Variants in CADM2 observed in about 807,000 individuals in gnomAD.
CADM2 encodes cell adhesion molecule 2.
A neutral mutation model predicts 49.8 loss-of-function variants in CADM2; 12 were observed. The observed-to-expected ratio is 0.24, with a 90% CI of 0.15 to 0.39. The LOEUF is 0.39. Among genes scored for constraint, CADM2 ranks in the 10% least tolerant of loss-of-function variants. The pLI, the probability that CADM2 is intolerant of heterozygous loss-of-function variation, is 1.00. For synonymous variants in CADM2, 214 were observed against 175.4 expected, an observed-to-expected ratio of 1.22 and a Z score of -1.74; for missense variants, 378 against 492.3, an observed-to-expected ratio of 0.77 and a Z score of 2.20.
chr3:85,045,590 G>GGCAGTATAT (rs2035624420), intron 1 of CADM2, among the ~76,000 whole-genome samples: 2 of 152,124 alleles, frequency 1.3e-5, no homozygotes, highest in South Asian at 4.1e-4. Flanking sequence ...CAGTGAATAA[G>GGCAGTATAT]GCAGTATATG....
intron 1 of CADM2, among the ~76,000 whole-genome samples, chr3:85,236,901 G>T (rs1453465324): frequency 6.6e-6 from 1 of 152,054 alleles, no homozygotes; most frequent in Non-Finnish European, 1.5e-5. Flanking sequence ...CTTCTGCTAT[G>T]ACTCAGTGAT....
intron 8 of CADM2, among the ~76,000 whole-genome samples, chr3:85,998,199 T>C (rs1448173116): frequency 6.6e-6 from 1 of 152,146 alleles, no homozygotes; most frequent in Non-Finnish European, 1.5e-5. Context: ...ATTTTGGATA[T>C]AGCATATGTA....
chr3:85,715,386 A>G (rs1198806595), intron 1 of CADM2, among the ~76,000 whole-genome samples: 1 of 152,230 alleles, frequency 6.6e-6, no homozygotes, highest in Non-Finnish European at 1.5e-5. Flanking sequence ...TTTAAAATAG[A>G]TTAGTGAGTA....
intron 1 of CADM2, among the ~76,000 whole-genome samples, chr3:85,434,049 ATTAAG>A (rs1166454170): frequency 1.8e-4 from 27 of 152,124 alleles, no homozygotes; most frequent in African/African-American, 5.5e-4. Flanking sequence ...GTATGAGTCG[ATTAAG>A]TTTAGATTTT....
chr3:85,741,596 A>T (rs1347156373), intron 2 of CADM2, among the ~76,000 whole-genome samples: 1 of 152,154 alleles, frequency 6.6e-6, no homozygotes, highest in Non-Finnish European at 1.5e-5. Flanking sequence ...TGAACCCGGG[A>T]GGCAGAGGTT....
intron 3 of CADM2, among the ~76,000 whole-genome samples, chr3:85,845,302 A>T (rs1279684359): frequency 6.6e-6 from 1 of 152,128 alleles, no homozygotes; most frequent in Non-Finnish European, 1.5e-5. Context: ...CAAGATAGAT[A>T]GCAGGACAGG....
intron 2 of CADM2, among the ~76,000 whole-genome samples, chr3:85,745,941 C>T (rs1489976756): frequency 1.3e-5 from 2 of 151,874 alleles, no homozygotes; most frequent in Non-Finnish European, 2.9e-5. Context: ...TGAAAGCCTA[C>T]CCCCAACTTT....
intron 1 of CADM2, among the ~76,000 whole-genome samples, chr3:85,006,074 C>G (rs1350873899): frequency 2.0e-5 from 3 of 152,098 alleles, no homozygotes; most frequent in Non-Finnish European, 4.4e-5. Flanking sequence ...TAAGGCTTTA[C>G]TGTACACAGA....
intron 1 of CADM2, among the ~76,000 whole-genome samples, chr3:85,360,770 G>A (rs937765261): frequency 6.6e-5 from 10 of 152,244 alleles, no homozygotes; most frequent in African/African-American, 2.4e-4. Flanking sequence ...TTTTATTGAA[G>A]CATCACAAGA....
intron 2 of CADM2, among the ~76,000 whole-genome samples, chr3:85,760,634 T>TA (rs2069329044): frequency 6.6e-6 from 1 of 152,130 alleles, no homozygotes; most frequent in South Asian, 2.1e-4. Context: ...GCACAGGAAA[T>TA]ATGCCTTCTC....
chr3:85,376,309 A>G (rs1446641234), intron 1 of CADM2, among the ~76,000 whole-genome samples: 1 of 152,094 alleles, frequency 6.6e-6, no homozygotes, highest in African/African-American at 2.4e-5. Flanking sequence ...TTTTAATACA[A>G]CCTCACAGCA....
rs1031428242 is a variant in CADM2, at chr3:85,153,175, G to C, written c.61+193507G>C. Among the ~76,000 whole-genome samples, 8 of 152,184 alleles carry C rather than the reference G, an allele frequency of 5.3e-5. No homozygotes were observed. The South Asian group carries it at 6.2e-4, about 12-fold the overall frequency. ...TTTCTGCATTTCCATCAGAGGTACC[G>C]GGTTCATCTCACTAGGGAGTGCCAG... On this transcript the variant is annotated intron_variant, in intron 1 of 9. Transcript: ENST00000383699.
intron 5 of CADM2, among the ~76,000 whole-genome samples, chr3:85,908,259 T>C (rs1288555473): frequency 8.1e-4 from 121 of 148,720 alleles, no homozygotes; most frequent in African/African-American, 2.8e-3. Flanking sequence ...TTCTTCTTTT[T>C]TTTTTTTTTT....
chr3:85,107,313 T>C, intron 1 of CADM2, among the ~76,000 whole-genome samples: 1 of 152,110 alleles, frequency 6.6e-6, no homozygotes, highest in Admixed American at 6.6e-5. Context: ...ATGAGTAAAG[T>C]ACACAATTGG....
At chr3:85,616,702 C>A (rs1157313480) in intron 1 of CADM2, among the ~76,000 whole-genome samples, 1 of 151,960 alleles carries the variant, frequency 6.6e-6, no homozygotes, top group Non-Finnish European at 1.5e-5. Context: ...TAAATTATAG[C>A]AAGTTGTGTG....
chr3:85,173,789 T>C (rs2040701183), intron 1 of CADM2, among the ~76,000 whole-genome samples: 2 of 152,212 alleles, frequency 1.3e-5, no homozygotes, highest in South Asian at 2.1e-4. Context: ...TTCCAAATAA[T>C]GCCCAATTCT....
At chr3:85,559,289 A>G (rs2062032854) in intron 1 of CADM2, among the ~76,000 whole-genome samples, 1 of 152,070 alleles carries the variant, frequency 6.6e-6, no homozygotes, top group South Asian at 2.1e-4. Context: ...ATAGGAATTA[A>G]TTTTCTAGAT....
Position 85,785,824 on chromosome 3 carries a change from C to A in CADM2, c.89-16223C>A, listed in dbSNP as rs140420581. Among the ~76,000 whole-genome samples, 17 of 152,204 alleles carry A rather than the reference C, an allele frequency of 1.1e-4. 1 individual carries two copies. The East Asian group carries it at 1.9e-3, about 17-fold the overall frequency. On this transcript the variant is annotated intron_variant, in intron 2 of 9. Transcript: ENST00000383699. ...CATCAGCTTCCATTTTCTTGTACAACTAAATCTAATCAATACTGATAATTT... is the reference window on the plus strand; with the variant it reads ...CATCAGCTTCCATTTTCTTGTACAAATAAATCTAATCAATACTGATAATTT...
intron 1 of CADM2, among the ~76,000 whole-genome samples, chr3:85,564,874 A>G (rs1014798579): frequency 6.6e-6 from 1 of 152,114 alleles, no homozygotes; most frequent in South Asian, 2.1e-4. Context: ...AGTGTGAACT[A>G]TATATAAAAC....
Sources: allele counts gnomAD v4.1 joint callset (sites outside exome capture counted in the v4.1 genomes callset), GRCh38; gene constraint gnomAD v4.1.1; transcripts MANE v1.5; gene names NCBI Gene and HGNC (gene_info 2026-07-23, HGNC 2026-07-21).